The following HPSE2 variants were observed in gnomAD, a reference collection of about 807,000 sequenced individuals.
The protein encoded by HPSE2 is inactive heparanase-2.
A neutral mutation model predicts 60.5 loss-of-function variants in HPSE2; 38 were observed. That is an observed-to-expected ratio of 0.63 (90% confidence interval 0.48 to 0.82). HPSE2 has a LOEUF of 0.82. HPSE2 is among the 40% of genes least tolerant of loss of function. HPSE2 has a pLI of 0.00. For missense variants in HPSE2, 713 were observed against 740.4 expected (o/e 0.96, Z 0.43); for synonymous variants, 295 against 293.2 (o/e 1.01, Z -0.06).
chr10:98,483,745 A>T (rs1419248337), intron 10 of HPSE2, among the ~76,000 whole-genome samples: 1 of 152,246 alleles, frequency 6.6e-6, no homozygotes. Context: ...AATGTTCTTG[A>T]CAAAGGCTGT....
chr10:98,900,402 C>T (rs894039951), intron 3 of HPSE2, among the ~76,000 whole-genome samples: 4 of 152,006 alleles, frequency 2.6e-5, no homozygotes, highest in African/African-American at 9.7e-5. Flanking sequence ...TCAGTGTTAC[C>T]TGGGACAAAG....
chr10:98,910,448 A>C (rs1019767375), intron 3 of HPSE2, among the ~76,000 whole-genome samples: 2 of 152,190 alleles, frequency 1.3e-5, no homozygotes, highest in Non-Finnish European at 2.9e-5. Context: ...GCAATGTTCC[A>C]TTTCTTGATG....
rs533642178 is a variant in HPSE2 at position 98,671,225 on chromosome 10, T to C, written c.1004+22675A>G. 1.7e-4 allele frequency among the ~76,000 whole-genome samples: 26 copies of C among 152,306 alleles called. No individual in the cohort carries two copies. The South Asian group carries it at 5.0e-3, about 29-fold the overall frequency. On this transcript the variant is annotated intron_variant, in intron 6 of 11. Transcript: ENST00000370552. ...ACGAGGAACATAAAATCCTGAGTTA[T>C]GGTCTCTCCTGCTACTACTTGGTCA...
At chr10:98,909,217 G>A (rs1333383082) in intron 3 of HPSE2, among the ~76,000 whole-genome samples, 4 of 151,940 alleles carry the variant, frequency 2.6e-5, no homozygotes, top group African/African-American at 9.7e-5. Context: ...GACATTTCAG[G>A]GTTTGTTACC....
intron 9 of HPSE2, among the ~76,000 whole-genome samples, chr10:98,525,401 G>A (rs1253230280): frequency 3.9e-5 from 6 of 152,152 alleles, no homozygotes; most frequent in South Asian, 2.1e-4. Context: ...CATCTCCTTC[G>A]TCTTGTCATA....
intron 3 of HPSE2, among the ~76,000 whole-genome samples, chr10:98,772,179 C>G (rs1950254641): frequency 6.6e-6 from 1 of 152,086 alleles, no homozygotes; most frequent in African/African-American, 2.4e-5. Flanking sequence ...CTAGCAAGGT[C>G]AGAGGGGCAG....
chr10:98,605,928 C>G (rs1458379582), intron 9 of HPSE2, among the ~76,000 whole-genome samples: 6 of 152,210 alleles, frequency 3.9e-5, no homozygotes, highest in Non-Finnish European at 2.9e-5. Flanking sequence ...ACCAGCCTCT[C>G]TAATGGCTGC....
intron 3 of HPSE2, among the ~76,000 whole-genome samples, chr10:98,964,204 T>G (rs1034725843): frequency 4.6e-5 from 7 of 152,158 alleles, no homozygotes; most frequent in African/African-American, 1.7e-4. Flanking sequence ...GTGTCTTTTA[T>G]TTTATTTTCA....
chr10:98,509,889 C>T (rs1420269279), intron 9 of HPSE2, among the ~76,000 whole-genome samples: 1 of 152,034 alleles, frequency 6.6e-6, no homozygotes, highest in Non-Finnish European at 1.5e-5. Flanking sequence ...TCTCTTCTCT[C>T]CTCATCCTGC....
chr10:99,134,872 A>C (rs1192067148), intron 3 of HPSE2, among the ~76,000 whole-genome samples: 2 of 152,160 alleles, frequency 1.3e-5, no homozygotes, highest in African/African-American at 4.8e-5. Flanking sequence ...AACAATATTA[A>C]CCTTAAATGT....
intron 3 of HPSE2, among the ~76,000 whole-genome samples, chr10:98,863,390 TGA>T (rs532291743): frequency 6.6e-6 from 1 of 151,990 alleles, no homozygotes; most frequent in Non-Finnish European, 1.5e-5. Flanking sequence ...TGTCTGTGTG[TGA>T]GAGAGAGAGT....
chr10:98,728,924 G>A (rs1223978987), intron 4 of HPSE2, among the ~76,000 whole-genome samples: 6 of 152,182 alleles, frequency 3.9e-5, no homozygotes, highest in East Asian at 1.9e-4. Context: ...TGGGAGAATC[G>A]CTTGAGTCCA....
At chr10:98,934,701 C>T (rs1954741839) in intron 3 of HPSE2, among the ~76,000 whole-genome samples, 3 of 143,694 alleles carry the variant, frequency 2.1e-5, no homozygotes, top group South Asian at 4.2e-4. Context: ...TCTCTTAGTG[C>T]CCTTAACATT....
chr10:99,048,743 G>A (rs1361255983), intron 3 of HPSE2, among the ~76,000 whole-genome samples: 2 of 152,056 alleles, frequency 1.3e-5, no homozygotes, highest in Non-Finnish European at 2.9e-5. Flanking sequence ...ATACCCAAAG[G>A]AAAATAGATC....
the HPSE2 span, among the ~76,000 whole-genome samples, chr10:99,294,279 C>T: frequency 2.7e-5 from 4 of 149,254 alleles, no homozygotes; most frequent in African/African-American, 7.4e-5. Flanking sequence ...TATATGTACA[C>T]ATATATATAT....
chr10:98,861,824 C>T (rs1952464510), intron 3 of HPSE2, among the ~76,000 whole-genome samples: 2 of 152,150 alleles, frequency 1.3e-5, no homozygotes, highest in African/African-American at 4.8e-5. Context: ...CTGAGGGCCA[C>T]ATCTCAACAT....
chr10:99,057,865 CACAA>C (rs1222926255), intron 3 of HPSE2, among the ~76,000 whole-genome samples: 25 of 152,204 alleles, frequency 1.6e-4, no homozygotes, highest in East Asian at 5.8e-4. Context: ...TTCATTCATG[CACAA>C]ACAGTCACAT....
chr10:98,909,491 G>A (rs1458263381), intron 3 of HPSE2, among the ~76,000 whole-genome samples: 3 of 151,708 alleles, frequency 2.0e-5, no homozygotes, highest in Non-Finnish European at 4.4e-5. Flanking sequence ...TTAGCTGGGC[G>A]TGGTGGTGGG....
intron 2 of HPSE2, among the ~76,000 whole-genome samples, chr10:99,179,148 C>G (rs1325758929): frequency 6.6e-6 from 1 of 152,180 alleles, no homozygotes; most frequent in Admixed American, 6.5e-5. Context: ...TTATGACAAA[C>G]TCACAACCAA....
Sources: allele counts gnomAD v4.1 joint callset (sites outside exome capture counted in the v4.1 genomes callset), GRCh38; gene constraint gnomAD v4.1.1; transcripts MANE v1.5; gene names NCBI Gene and HGNC (gene_info 2026-07-23, HGNC 2026-07-21).